Variants in SLC35F4 observed in about 807,000 individuals in gnomAD.
SLC35F4 encodes the protein solute carrier family 35 member F4, also known as chromosome 14 open reading frame 36.
A neutral mutation model predicts 44.2 loss-of-function variants in SLC35F4; 24 were observed. That is an observed-to-expected ratio of 0.54 (90% CI 0.39 to 0.76). SLC35F4 has a LOEUF of 0.76. SLC35F4 is among the 30% of genes least tolerant of loss of function. The pLI is 0.00. For missense variants in SLC35F4, 562 were observed against 586.1 expected (o/e 0.96, Z 0.42); for synonymous variants, 238 against 223.6 (o/e 1.06, Z -0.57).
In SLC35F4 at chr14:57,754,056, C is replaced by T. The variant is rs571512292; in HGVS notation, c.103+111667G>A. Among the ~76,000 whole-genome samples the T allele has an allele frequency of 7.3e-4, 111 of 151,442 alleles. 1 individual carries two copies. Among genetic ancestry groups the T allele is most frequent in the African/African-American group, 2.5e-3 (103 of 41,244 alleles). On this transcript the variant is annotated intron_variant, in intron 1 of 7. Coordinates refer to ENST00000556826, the MANE Select transcript of SLC35F4 (RefSeq NM_001306087.2). Reference sequence around the variant, plus strand: ...AATAGGAAAAGCTCCTCTAAACATCCTCTACACAGAGATAAGATCCTTTAC... The same window carrying T: ...AATAGGAAAAGCTCCTCTAAACATCTTCTACACAGAGATAAGATCCTTTAC...
intron 1 of SLC35F4, among the ~76,000 whole-genome samples, chr14:57,864,967 C>T (rs1232484804): frequency 1.3e-5 from 2 of 152,128 alleles, no homozygotes; most frequent in African/African-American, 2.4e-5. Flanking sequence ...AACGTGAAAG[C>T]ATCCACGCCG....
intron 1 of SLC35F4, among the ~76,000 whole-genome samples, chr14:57,842,240 C>A (rs1885561003): frequency 6.6e-6 from 1 of 152,194 alleles, no homozygotes; most frequent in Non-Finnish European, 1.5e-5. Flanking sequence ...CATCATATAT[C>A]AGTTCATAGC....
intron 1 of SLC35F4, among the ~76,000 whole-genome samples, chr14:57,957,440 A>AAG (rs1890259706): frequency 6.6e-6 from 1 of 151,904 alleles, no homozygotes; most frequent in African/African-American, 2.4e-5. Context: ...AGTACAAAAA[A>AAG]AAAACTGCAA....
At chr14:57,710,440 C>T (rs1282804529) in intron 1 of SLC35F4, among the ~76,000 whole-genome samples, 1 of 152,052 alleles carries the variant, frequency 6.6e-6, no homozygotes, top group Non-Finnish European at 1.5e-5. Context: ...GATGGAGCCC[C>T]CACACAGAGT....
At chr14:57,886,206 C>T (rs139928755) in intron 1 of SLC35F4, among the ~76,000 whole-genome samples, 5 of 152,272 alleles carry the variant, frequency 3.3e-5, no homozygotes, top group African/African-American at 9.6e-5. Flanking sequence ...TTACCATAAG[C>T]ATTGTAGCTT....
At chr14:57,902,259 C>T (rs760382869) in intron 1 of SLC35F4, among the ~76,000 whole-genome samples, 1 of 152,008 alleles carries the variant, frequency 6.6e-6, no homozygotes, top group Non-Finnish European at 1.5e-5. Context: ...ATGTTCATAT[C>T]CTTTAACTTG....
At chr14:57,700,381 G>T (rs35008957) in intron 1 of SLC35F4, among the ~76,000 whole-genome samples, 1 of 139,378 alleles carries the variant, frequency 7.2e-6, no homozygotes, top group Admixed American at 7.0e-5. Context: ...AATTGCTCTA[G>T]GTCAGTGAGC....
At chr14:57,983,094 C>T (rs888585043), upstream of SLC35F4, among the ~76,000 whole-genome samples, 2 of 152,224 alleles carry the variant, frequency 1.3e-5, no homozygotes, top group African/African-American at 4.8e-5. Flanking sequence ...CAATGGAAAG[C>T]CAACACCAAG....
intron 1 of SLC35F4, among the ~76,000 whole-genome samples, chr14:57,872,383 CAGAA>C: frequency 6.6e-6 from 1 of 151,782 alleles, no homozygotes; most frequent in Middle Eastern, 3.4e-3. Context: ...AGGCTCCTGA[CAGAA>C]AGAGCATACA....
chr14:57,925,507 G>A (rs12890292), intron 1 of SLC35F4, among the ~76,000 whole-genome samples: 5,147 of 27,400 alleles, frequency 0.19, 208 homozygotes, highest in Non-Finnish European at 0.22. Flanking sequence ...GGGAGGGAGG[G>A]AGGGAGGGAG....
intron 1 of SLC35F4, among the ~76,000 whole-genome samples, chr14:57,855,183 A>G (rs1886964057): frequency 6.6e-6 from 1 of 152,206 alleles, no homozygotes; most frequent in Non-Finnish European, 1.5e-5. Context: ...TATCATTCCC[A>G]TTTTATAGGA....
At chr14:57,981,900 T>C (rs1401821600) in intron 1 of SLC35F4, 1 of 152,208 alleles carries the variant, frequency 6.6e-6, no homozygotes, top group Non-Finnish European at 1.5e-5. Flanking sequence ...AACAAAATTA[T>C]AGTATTACTT....
At chr14:57,703,958 A>C (rs1885846) in intron 1 of SLC35F4, among the ~76,000 whole-genome samples, 139,435 of 152,182 alleles carry the variant, frequency 0.92, 64,523 homozygotes, top group Non-Finnish European at 1. Context: ...GAGCCACAGA[A>C]CTCCAAAGAC....
At chr14:57,932,040 C>A (rs1405260957) in intron 1 of SLC35F4, among the ~76,000 whole-genome samples, 1 of 152,138 alleles carries the variant, frequency 6.6e-6, no homozygotes, top group African/African-American at 2.4e-5. Flanking sequence ...ATTCTCTGGT[C>A]CATCTCACTG....
chr14:57,914,557 C>T (rs942806925), intron 1 of SLC35F4, among the ~76,000 whole-genome samples: 6 of 150,572 alleles, frequency 4.0e-5, no homozygotes, highest in African/African-American at 7.5e-5. Flanking sequence ...AGCGAGACTC[C>T]GCCTCATAAA....
chr14:57,725,876 C>T (rs2076189293), intron 1 of SLC35F4, among the ~76,000 whole-genome samples: 1 of 152,212 alleles, frequency 6.6e-6, no homozygotes, highest in South Asian at 2.1e-4. Flanking sequence ...TCACCATCAC[C>T]TCTAGTGATT....
intron 1 of SLC35F4, among the ~76,000 whole-genome samples, chr14:57,693,525 A>G (rs1425761820): frequency 6.6e-6 from 1 of 152,220 alleles, no homozygotes; most frequent in Non-Finnish European, 1.5e-5. Context: ...CCTGCTGCAG[A>G]TAACTAGCCA....
Position 57,866,039 on chromosome 14 carries a change from C to T in SLC35F4, c.-214G>A. The stretch of plus-strand genomic sequence containing the variant: ...GAGCGGCCCCCACTCGGGCCGGCCT[C>T]TCCGTCAGCCTGGCAGCTCTCCCGC... On this transcript the variant is annotated 5_prime_UTR_variant, in exon 1 of 8. Coordinates refer to ENST00000556826, the MANE Select transcript of SLC35F4 (RefSeq NM_001306087.2). 1 of 311,120 alleles carries T rather than the reference C, an allele frequency of 3.2e-6. No homozygotes were observed. Among genetic ancestry groups the T allele is most frequent in the East Asian group, 6.1e-5 (1 of 16,422 alleles). 19.3% of individuals were successfully genotyped at this position (311,120 alleles called of 1,614,324 possible).
In SLC35F4 at chr14:57,666,101, G is replaced by A. The variant is rs149386747; in HGVS notation, c.104-71977C>T. Among the ~76,000 whole-genome samples the A allele has an allele frequency of 1.7e-3, 252 of 152,180 alleles. 1 individual carries two copies. Among genetic ancestry groups the A allele is most frequent in the Middle Eastern group, 6.8e-3 (2 of 294 alleles). On this transcript the variant is annotated intron_variant, in intron 1 of 7. Coordinates refer to ENST00000556826, the MANE Select transcript of SLC35F4 (RefSeq NM_001306087.2). ...TTGACCTATTTAACAAACCAGCAGCGTACCCCTGAACTGAAAATAAAAGTT... is the reference window on the plus strand; with the variant it reads ...TTGACCTATTTAACAAACCAGCAGCATACCCCTGAACTGAAAATAAAAGTT...
Sources: allele counts gnomAD v4.1 joint callset (sites outside exome capture counted in the v4.1 genomes callset), GRCh38; gene constraint gnomAD v4.1.1; transcripts MANE v1.5; gene names NCBI Gene and HGNC (gene_info 2026-07-23, HGNC 2026-07-21).